Variants in IMMP2L observed in about 807,000 individuals in gnomAD.
IMMP2L encodes mitochondrial inner membrane protease subunit 2.
In IMMP2L, 18 loss-of-function variants were observed where a neutral mutation model predicts 19.3. The ratio of observed to expected loss-of-function variants is 0.93; its 90% CI spans 0.64 to 1.38. The LOEUF is 1.38. Among genes scored for constraint, IMMP2L ranks in the 40% most tolerant of loss-of-function variants. The probability of loss-of-function intolerance (pLI) is 0.00; values close to 1 mark genes in which losing one functional copy is unlikely to be tolerated. For synonymous variants in IMMP2L, 76 were observed against 73.0 expected (o/e 1.04, Z -0.21); for missense variants, 233 against 218.2 (o/e 1.07, Z -0.43).
At chr7:111,137,270 T>A (rs2129596497) in intron 3 of IMMP2L, among the ~76,000 whole-genome samples, 1 of 152,256 alleles carries the variant, frequency 6.6e-6, no homozygotes, top group Admixed American at 6.5e-5. Flanking sequence ...CATTCTATAT[T>A]CAATTTATAA....
intron 5 of IMMP2L, among the ~76,000 whole-genome samples, chr7:110,868,241 A>G (rs1211242829): frequency 6.6e-6 from 1 of 151,928 alleles, no homozygotes; most frequent in Non-Finnish European, 1.5e-5. Context: ...CACCTGGTGT[A>G]TATTATTTTG....
intron 5 of IMMP2L, among the ~76,000 whole-genome samples, chr7:110,855,878 C>T (rs979262688): frequency 6.6e-6 from 1 of 151,866 alleles, no homozygotes; most frequent in Admixed American, 6.6e-5. Context: ...TATATGGAGA[C>T]CTATCTGGGT....
intron 5 of IMMP2L, among the ~76,000 whole-genome samples, chr7:110,744,301 G>A (rs1468070095): frequency 6.6e-6 from 1 of 152,202 alleles, no homozygotes; most frequent in Non-Finnish European, 1.5e-5. Context: ...CCTGGGGAAA[G>A]TGGTGGTTGT....
At chr7:111,156,679 A>C (rs1804681166) in intron 3 of IMMP2L, among the ~76,000 whole-genome samples, 1 of 151,940 alleles carries the variant, frequency 6.6e-6, no homozygotes, top group Admixed American at 6.6e-5. Flanking sequence ...GTATTTGATG[A>C]CTTTGATGCT....
At chr7:111,254,723 T>A (rs1234249686) in intron 3 of IMMP2L, among the ~76,000 whole-genome samples, 9 of 152,078 alleles carry the variant, frequency 5.9e-5, no homozygotes, top group Non-Finnish European at 1.2e-4. Flanking sequence ...CTGCACAACA[T>A]AAGTCCCAGA....
intron 3 of IMMP2L, among the ~76,000 whole-genome samples, chr7:111,485,425 C>A (rs1354619965): frequency 1.3e-5 from 2 of 151,362 alleles, no homozygotes; most frequent in African/African-American, 2.4e-5. Context: ...CGGTGAAACC[C>A]GTCTCTACTA....
At chr7:111,181,255 T>A (rs1224944635) in intron 3 of IMMP2L, among the ~76,000 whole-genome samples, 1 of 152,030 alleles carries the variant, frequency 6.6e-6, no homozygotes, top group East Asian at 1.9e-4. Context: ...TAGCAATATC[T>A]TCATGTGACT....
chr7:111,000,115 T>A (rs772221992), intron 3 of IMMP2L, among the ~76,000 whole-genome samples: 2 of 152,152 alleles, frequency 1.3e-5, no homozygotes, highest in Non-Finnish European at 2.9e-5. Context: ...CCTAGGCACC[T>A]GCCAGATAAT....
chr7:110,878,284 C>T (rs1809278548), intron 5 of IMMP2L, among the ~76,000 whole-genome samples: 1 of 152,142 alleles, frequency 6.6e-6, no homozygotes. Context: ...GAGCATGATA[C>T]TCTTTACATT....
chr7:111,518,915 T>G (rs1041859953), intron 2 of IMMP2L, among the ~76,000 whole-genome samples: 1 of 152,122 alleles, frequency 6.6e-6, no homozygotes, highest in African/African-American at 2.4e-5. Flanking sequence ...CAATCCCCAA[T>G]TCCCACAGAA....
rs139874601 is a variant in IMMP2L at position 111,507,375 on chromosome 7, C to T, written c.135+13938G>A. 5.6e-4 allele frequency among the ~76,000 whole-genome samples: 85 copies of T among 152,216 alleles called. 2 individuals are homozygous for T. The highest frequency in any genetic ancestry group is 1.9e-3 in the African/African-American group (79 of 41,536). On this transcript the variant is annotated intron_variant, in intron 2 of 5. Coordinates refer to ENST00000405709, the MANE Select transcript of IMMP2L (RefSeq NM_032549.4). ...CCAGCTGACAATTTCAATATTTTCGCCTGGAAATCTCCTTAGCCAAATCTA... is the reference window on the plus strand; with the variant it reads ...CCAGCTGACAATTTCAATATTTTCGTCTGGAAATCTCCTTAGCCAAATCTA...
At chr7:110,846,185 C>G (rs1458644766) in intron 5 of IMMP2L, among the ~76,000 whole-genome samples, 1 of 151,954 alleles carries the variant, frequency 6.6e-6, no homozygotes, top group Non-Finnish European at 1.5e-5. Flanking sequence ...AAATATACAG[C>G]CTTTCATTCT....
chr7:110,771,675 G>A (rs1297941012), intron 5 of IMMP2L, among the ~76,000 whole-genome samples: 4 of 152,152 alleles, frequency 2.6e-5, no homozygotes, highest in African/African-American at 9.7e-5. Context: ...ACATACGAGG[G>A]TAGAGTTACT....
intron 3 of IMMP2L, among the ~76,000 whole-genome samples, chr7:111,209,363 C>T: frequency 6.9e-6 from 1 of 145,782 alleles, no homozygotes; most frequent in African/African-American, 2.5e-5. Flanking sequence ...TGCCACTGCA[C>T]TCCAGCCTCG....
At chr7:110,842,636 G>A (rs1805208335) in intron 5 of IMMP2L, among the ~76,000 whole-genome samples, 1 of 152,196 alleles carries the variant, frequency 6.6e-6, no homozygotes, top group Non-Finnish European at 1.5e-5. Context: ...AGGTAAGGAA[G>A]AAGGGAAAGT....
At chr7:110,685,271 G>A (rs1010638421) in intron 5 of IMMP2L, among the ~76,000 whole-genome samples, 1 of 152,016 alleles carries the variant, frequency 6.6e-6, no homozygotes, top group Admixed American at 6.6e-5. Context: ...AGAAAACCAG[G>A]TTTACTTTGG....
intron 3 of IMMP2L, among the ~76,000 whole-genome samples, chr7:111,061,664 T>C (rs1794028566): frequency 6.6e-6 from 1 of 152,206 alleles, no homozygotes. Flanking sequence ...CTTCGACTGC[T>C]TTAGCAAACT....
At chr7:111,485,399 ACCATCGTGGCTAACACGGTGAAAC>A (rs1842546157) in intron 3 of IMMP2L, among the ~76,000 whole-genome samples, 2 of 152,002 alleles carry the variant, frequency 1.3e-5, no homozygotes, top group African/African-American at 4.8e-5. Context: ...GGAGATCAAG[ACCATCGTGGCTAACACGGTGAAAC>A]CCGTCTCTAC....
At chr7:110,933,742 G>C (rs1585324711) in intron 4 of IMMP2L, among the ~76,000 whole-genome samples, 1 of 152,094 alleles carries the variant, frequency 6.6e-6, no homozygotes, top group East Asian at 1.9e-4. Context: ...TGATCCCAGA[G>C]ACTCTTTTTA....
Sources: allele counts gnomAD v4.1 joint callset (sites outside exome capture counted in the v4.1 genomes callset), GRCh38; gene constraint gnomAD v4.1.1; transcripts MANE v1.5; gene names NCBI Gene and HGNC (gene_info 2026-07-23, HGNC 2026-07-21).